NUP160: variants seen among roughly 807,000 people sequenced by gnomAD.
NUP160 encodes the protein nucleoporin 160.
In NUP160, 94 loss-of-function variants were observed where a neutral mutation model predicts 196.9. The observed-to-expected ratio is 0.48, with a 90% confidence interval of 0.40 to 0.57. NUP160 has a LOEUF of 0.57. NUP160 is among the 20% of genes least tolerant of loss of function. The pLI is 0.00. For missense variants in NUP160, 1,638 were observed against 1,748.3 expected, an observed-to-expected ratio of 0.94 and a Z score of 1.13; for synonymous variants, 605 against 619.7, an observed-to-expected ratio of 0.98 and a Z score of 0.35.
At chr11:47,847,648 T>TGGGGGGGGGTGGGGGG (rs1852424883) in intron 2 of NUP160, among the ~76,000 whole-genome samples, 200 bp downstream of exon 2, 1 of 77,464 alleles carries the variant, frequency 1.3e-5, no homozygotes, top group Non-Finnish European at 2.3e-5. Flanking sequence ...TGTGTGGGGG[T>TGGGGGGGGGTGGGGGG]GGGGGGGGGG....
chr11:47,800,462 T>C (rs2097673577), intron 23 of NUP160, among the ~76,000 whole-genome samples: 1 of 151,340 alleles, frequency 6.6e-6, no homozygotes, highest in South Asian at 2.1e-4. Context: ...CGATCTCAGC[T>C]CACTGCAACC....
chr11:47,834,182 T>A (rs1211301834), intron 7 of NUP160, among the ~76,000 whole-genome samples: 1 of 152,180 alleles, frequency 6.6e-6, no homozygotes, highest in Non-Finnish European at 1.5e-5. Context: ...AAAAGCTCTT[T>A]GCAGTTCTCG....
intron 2 of NUP160, among the ~76,000 whole-genome samples, chr11:47,842,720 T>C (rs572681536): frequency 2.6e-5 from 4 of 152,192 alleles, no homozygotes; most frequent in Non-Finnish European, 4.4e-5. Flanking sequence ...CCAGGTACAA[T>C]AGCTCATGCC....
intron 8 of NUP160, 36 bp downstream of exon 8, chr11:47,822,051 G>C: frequency 7.4e-7 from 1 of 1,354,886 alleles, no homozygotes. Context: ...TCTTTTTCTT[G>C]TACTTATGTG....
chr11:47,816,728 A>T (rs2097684683), intron 11 of NUP160, among the ~76,000 whole-genome samples: 1 of 151,808 alleles, frequency 6.6e-6, no homozygotes. Flanking sequence ...GTGAGCCAAG[A>T]TCGTGCCACC....
rs556871282 is a variant in NUP160, at chr11:47,808,335, A to T, written c.2375+61T>A. ...CACTAAAACTTTTTCCCTTTAAGAC[A>T]AGGGGAAAAATAATTAAACTCACAA... is the stretch of plus-strand genomic sequence containing the variant. On this transcript the variant is annotated intron_variant, in intron 18 of 35. Transcript: ENST00000378460. 3 of 1,493,972 alleles carry T rather than the reference A, an allele frequency of 2.0e-6. No homozygotes were observed. In the Admixed American group the frequency reaches 5.6e-5, roughly 28 times the overall value. The allele number at this position is 1,493,972 out of a possible 1,614,324, so 92.5% of individuals were successfully genotyped here. A position where few individuals can be genotyped will look rare whatever the true frequency, so the allele number is the denominator to read the frequency against.
chr11:47,848,470 G>A (rs1852453661), upstream of NUP160: 3 of 1,373,658 alleles, frequency 2.2e-6, no homozygotes, highest in South Asian at 4.1e-5. Flanking sequence ...GCTTCCACCG[G>A]GAGAATGAGG....
rs757650008 is a variant in NUP160, at chr11:47,813,060, G to C, written c.1787-13C>G. ...GCGATGTCCACATCTACAAATAAGA[G>C]AAAGTTAACATTTATGTCTTAAGCC... On this transcript the variant is annotated splice_polypyrimidine_tract_variant and intron_variant, in intron 14 of 35. Transcript: ENST00000378460. The C allele has an allele frequency of 8.3e-6, 13 of 1,568,530 alleles. No homozygotes were observed. The African/African-American group carries it at 1.5e-4, about 18-fold the overall frequency.
chr11:47,840,548 G>A (rs1852275669), exon 3 of NUP160: 1 of 1,613,188 alleles, frequency 6.2e-7, no homozygotes. Context: ...TTTATGTCCA[G>A]TGACTCCTCC....
Position 47,824,008 on chromosome 11 carries a change from CATATATATATATATATATATATATATAT to C in NUP160, c.1102-1872_1102-1845del, listed in dbSNP as rs58246222. ...TGAGACCCTGCTTTCAATTCTTTTG[CATATATATATATATATATATATATATAT>C]ATATATATATATATATACACACACA... On this transcript the variant is annotated intron_variant, in intron 7 of 35. Transcript: ENST00000378460. Among the ~76,000 whole-genome samples, 28 of 73,130 alleles carry C rather than the reference CATATATATATATATATATATATATATAT, an allele frequency of 3.8e-4. 1 individual carries two copies. Among genetic ancestry groups the C allele is most frequent in the African/African-American group, 8.8e-4 (14 of 15,982 alleles). 48.0% of individuals were successfully genotyped at this position (73,130 alleles called of 152,430 possible). A position where few individuals can be genotyped will look rare whatever the true frequency, so the allele number is the denominator to read the frequency against.
intron 3 of NUP160, 29 bp downstream of exon 3, chr11:47,840,349 A>G (rs1390119634): frequency 6.4e-7 from 1 of 1,568,518 alleles, no homozygotes; most frequent in East Asian, 2.2e-5. Context: ...AATTTGGGAA[A>G]TAAAAGATAT....
At chr11:47,798,688 C>T (rs932247474) in intron 23 of NUP160, among the ~76,000 whole-genome samples, 5 of 151,740 alleles carry the variant, frequency 3.3e-5, no homozygotes, top group Admixed American at 6.6e-5. Flanking sequence ...AAATTAGCTG[C>T]GTGTGGTGGC....
At chr11:47,787,367 C>T (rs1005953309) in intron 31 of NUP160, among the ~76,000 whole-genome samples, 2 of 151,402 alleles carry the variant, frequency 1.3e-5, no homozygotes, top group Admixed American at 6.6e-5. Flanking sequence ...GCATTACAGG[C>T]GTAAGCCACT....
At chr11:47,847,648 T>TGG (rs56283744) in intron 2 of NUP160, among the ~76,000 whole-genome samples, 200 bp downstream of exon 2, 1,285 of 77,386 alleles carry the variant, frequency 0.017, 15 homozygotes, top group Admixed American at 0.041. Flanking sequence ...TGTGTGGGGG[T>TGG]GGGGGGGGGG....
chr11:47,835,905 C>T (rs1852164166), intron 6 of NUP160, 96 bp from the exon 7 acceptor site: 3 of 996,250 alleles, frequency 3.0e-6, no homozygotes, highest in Admixed American at 5.5e-5. Flanking sequence ...GTATCTACTG[C>T]TCTATCTAGT....
At chr11:47,803,142 AAATAATAATAAT>A (rs55654627) in intron 22 of NUP160, among the ~76,000 whole-genome samples, 12 of 139,056 alleles carry the variant, frequency 8.6e-5, no homozygotes, top group South Asian at 4.6e-4. Context: ...TGATTTTACA[AAATAATAATAAT>A]AATAATAATA....
chr11:47,846,322 T>C (rs1027196038), intron 2 of NUP160, among the ~76,000 whole-genome samples: 3 of 152,142 alleles, frequency 2.0e-5, no homozygotes, highest in Non-Finnish European at 2.9e-5. Context: ...ATAAAGTCAC[T>C]CTTTTGAGCC....
rs750537398 is a variant in NUP160, at chr11:47,819,459, C to T, written c.1278-1G>A. 1 of 1,608,954 alleles carries T rather than the reference C, an allele frequency of 6.2e-7. No homozygotes were observed. Among genetic ancestry groups the T allele is most frequent in the East Asian group, 2.2e-5 (1 of 44,832 alleles). On this transcript the variant is annotated splice_acceptor_variant, in intron 9 of 35. Coordinates refer to ENST00000378460, the Ensembl canonical transcript of NUP160. LOFTEE classifies it high-confidence loss of function. ...TGGATTCCACTGACCTGCAACATTA[C>T]TAGAGACAAAAAAGTCCACCAGTTT...
chr11:47,834,738 G>A (rs1852141934), intron 7 of NUP160, among the ~76,000 whole-genome samples: 1 of 152,194 alleles, frequency 6.6e-6, no homozygotes, highest in South Asian at 2.1e-4. Context: ...CGTGCATGCA[G>A]GGGTGATATG....
Sources: gnomAD v4.1 joint callset for allele counts (sites outside exome capture counted in the v4.1 genomes callset) on GRCh38, gnomAD v4.1.1 for gene constraint, MANE v1.5 for transcripts, NCBI Gene and HGNC (gene_info 2026-07-23, HGNC 2026-07-21) for gene names.